The following BCO1 variants were observed in gnomAD, a reference collection of about 807,000 sequenced individuals.
BCO1 encodes the protein beta-carotene oxygenase 1, also known as beta,beta-carotene 15,15'-dioxygenase.
In BCO1, 54 loss-of-function variants were observed where a neutral mutation model predicts 56.3. That is an observed-to-expected ratio of 0.96 (90% CI 0.77 to 1.20). The LOEUF (loss-of-function observed/expected upper bound fraction) is 1.20, where lower values mean the gene tolerates loss of function less well. Ranked by LOEUF, BCO1 falls within the 50% of genes most tolerant of loss-of-function variation. The probability of loss-of-function intolerance (pLI) is 0.00; values close to 1 mark genes in which losing one functional copy is unlikely to be tolerated. For missense variants in BCO1, 801 were observed against 690.9 expected (o/e 1.16, Z -1.79); for synonymous variants, 318 against 266.1 (o/e 1.20, Z -1.90).
At chr16:81,274,378 C>T (rs1038555677) in intron 7 of BCO1, among the ~76,000 whole-genome samples, 2 of 151,002 alleles carry the variant, frequency 1.3e-5, no homozygotes, top group East Asian at 2.0e-4. Context: ...ATTCTGCTGC[C>T]TCAGCCTCCC....
At chr16:81,271,335 G>A (rs112706968) in intron 7 of BCO1, among the ~76,000 whole-genome samples, 196 of 151,006 alleles carry the variant, frequency 1.3e-3, no homozygotes, top group African/African-American at 4.1e-3. Flanking sequence ...GGCTGTTCTC[G>A]AACTCCTGAC....
In BCO1 at chr16:81,287,693, T is replaced by G. The variant is rs11647597; in HGVS notation, c.1414+287T>G. 0.24 allele frequency among the ~76,000 whole-genome samples: 36,992 copies of G among 152,072 alleles called. 4,732 individuals are homozygous for G. Among genetic ancestry groups the G allele is most frequent in the Middle Eastern group, 0.34 (99 of 294 alleles). Reference sequence around the variant, plus strand: ...AAGTGCTTATGTTCACAGTTCTGGTTTGTGGCAATGAAAAGATACAGACTA... The same window carrying G: ...AAGTGCTTATGTTCACAGTTCTGGTGTGTGGCAATGAAAAGATACAGACTA... On this transcript the variant is annotated intron_variant, in intron 10 of 10. Transcript: ENST00000258168.
intron 7 of BCO1, among the ~76,000 whole-genome samples, chr16:81,280,287 A>T (rs1266511814): frequency 2.3e-5 from 2 of 86,584 alleles, no homozygotes; most frequent in African/African-American, 1.0e-4. Flanking sequence ...AAAAAAAAAA[A>T]AAAAAAAAAA....
intron 9 of BCO1, 118 bp from the exon 10 acceptor site, chr16:81,287,177 A>G (rs556129296): frequency 1.2e-6 from 1 of 817,746 alleles, no homozygotes; most frequent in East Asian, 2.5e-5. Context: ...GACTACGTCA[A>G]AAGTCTACAT....
intron 1 of BCO1, 104 bp from the exon 2 acceptor site, chr16:81,245,371 G>C: frequency 1.7e-5 from 26 of 1,523,182 alleles, no homozygotes; most frequent in Non-Finnish European, 2.3e-5. Context: ...GATGCAAGGA[G>C]TGGTACTGGG....
intron 10 of BCO1, among the ~76,000 whole-genome samples, chr16:81,289,042 G>GTA (rs756975524): frequency 4.6e-5 from 7 of 152,220 alleles, no homozygotes; most frequent in Non-Finnish European, 1.0e-4. Context: ...TGAGGAGGGA[G>GTA]TATCGTTGTC....
intron 7 of BCO1, among the ~76,000 whole-genome samples, chr16:81,271,788 C>T (rs915287322): frequency 6.6e-6 from 1 of 151,948 alleles, no homozygotes; most frequent in Non-Finnish European, 1.5e-5. Flanking sequence ...CTCGCTCTGC[C>T]GCCCAGGCTG....
chr16:81,247,098 G>A (rs1905472001), intron 2 of BCO1, among the ~76,000 whole-genome samples: 1 of 152,160 alleles, frequency 6.6e-6, no homozygotes, highest in African/African-American at 2.4e-5. Flanking sequence ...AAAATCAAGA[G>A]CCGAGTTCTT....
At chr16:81,241,227 C>T (rs1337810380) in intron 1 of BCO1, among the ~76,000 whole-genome samples, 1 of 151,964 alleles carries the variant, frequency 6.6e-6, no homozygotes, top group African/African-American at 2.4e-5. Context: ...GCATGAGAAT[C>T]ACTTGAACCC....
chr16:81,245,202 A>G (rs1300219294), intron 1 of BCO1, among the ~76,000 whole-genome samples: 1 of 152,100 alleles, frequency 6.6e-6, no homozygotes, highest in African/African-American at 2.4e-5. Context: ...CATTGCCTTG[A>G]CCACAGTGGA....
chr16:81,239,090 C>A, intron 1 of BCO1, 118 bp downstream of exon 1: 1 of 832,098 alleles, frequency 1.2e-6, no homozygotes, highest in Non-Finnish European at 1.9e-6. Flanking sequence ...GATCTCGGCC[C>A]ACTGCAACCT....
chr16:81,252,882 C>T (rs1188512333), intron 2 of BCO1, among the ~76,000 whole-genome samples: 1 of 152,116 alleles, frequency 6.6e-6, no homozygotes, highest in African/African-American at 2.4e-5. Context: ...AAACTGCCCA[C>T]CTCACCACTT....
chr16:81,245,128 G>T (rs886480143), intron 1 of BCO1, among the ~76,000 whole-genome samples: 1 of 152,152 alleles, frequency 6.6e-6, no homozygotes, highest in Non-Finnish European at 1.5e-5. Flanking sequence ...CTGACCTCAG[G>T]TGATCCACCC....
intron 5 of BCO1, 142 bp from the exon 6 acceptor site, chr16:81,267,766 A>T (rs1165073704): frequency 1.4e-6 from 1 of 731,966 alleles, no homozygotes; most frequent in African/African-American, 1.7e-5. Context: ...AGCTGCAGCA[A>T]CCTTGTTGTC....
chr16:81,247,732 G>A (rs901647061), intron 2 of BCO1, among the ~76,000 whole-genome samples: 1 of 151,918 alleles, frequency 6.6e-6, no homozygotes, highest in African/African-American at 2.4e-5. Context: ...CTCCATGTTG[G>A]TCAGGCTGTT....
rs552665284 is a variant in BCO1, at chr16:81,285,494, A to G, written c.1208-46A>G. ...TCTGACAGGAAGGGTGGATGCTCCC[A>G]GCCCCCAATGATAGGGGCTTCATCC... On this transcript the variant is annotated intron_variant, in intron 8 of 10. Transcript: ENST00000258168. 164 of 1,396,058 alleles carry G rather than the reference A, an allele frequency of 1.2e-4. 1 individual carries two copies. The South Asian group carries it at 1.5e-3, about 13-fold the overall frequency. 86.5% of individuals were successfully genotyped at this position (1,396,058 alleles called of 1,614,324 possible).
chr16:81,249,663 A>C (rs958949454), intron 2 of BCO1, among the ~76,000 whole-genome samples: 10 of 152,172 alleles, frequency 6.6e-5, no homozygotes, highest in African/African-American at 2.4e-4. Flanking sequence ...GGCCTCCCAA[A>C]GTGCTGGGAT....
intron 7 of BCO1, 87 bp downstream of exon 7, chr16:81,270,503 T>G (rs1907128963): frequency 1.3e-6 from 2 of 1,562,258 alleles, no homozygotes; most frequent in Non-Finnish European, 1.8e-6. Flanking sequence ...TGATTGACAT[T>G]GAAATCCAAA....
chr16:81,250,524 A>AAC lies in BCO1; in HGVS notation c.193+4923_193+4924dup, dbSNP rs138484043. 7.3e-3 allele frequency among the ~76,000 whole-genome samples: 1,115 copies of AAC among 152,078 alleles called. 5 individuals carry two copies. Among genetic ancestry groups the AAC allele is most frequent in the African/African-American group, 0.025 (1,032 of 41,430 alleles). On this transcript the variant is annotated intron_variant, in intron 2 of 10. Transcript: ENST00000258168. ...AAGTTGGGGTCCCTGATAAGCTGAA[A>AAC]ACAAAGCCAATAACTCTCAAAAAGT...
Sources: gnomAD v4.1 joint callset for allele counts (sites outside exome capture counted in the v4.1 genomes callset) on GRCh38, gnomAD v4.1.1 for gene constraint, MANE v1.5 for transcripts, NCBI Gene and HGNC (gene_info 2026-07-23, HGNC 2026-07-21) for gene names.